The following KCNK9 variants were observed in gnomAD, a reference collection of about 807,000 sequenced individuals.
The protein encoded by KCNK9 is potassium channel subfamily K member 9.
Under a neutral mutation model 10.8 loss-of-function variants are expected in KCNK9, and 1 was observed. That is an observed-to-expected ratio of 0.09 (90% CI 0.03 to 0.44). The LOEUF is 0.44. KCNK9 is among the 20% of genes least tolerant of loss of function. The pLI is 0.97. For synonymous variants in KCNK9, 231 were observed against 222.7 expected, an observed-to-expected ratio of 1.04 and a Z score of -0.33; for missense variants, 303 against 515.0, an observed-to-expected ratio of 0.59 and a Z score of 3.98.
chr8:139,649,559 G>C (rs1177747286), intron 1 of KCNK9, among the ~76,000 whole-genome samples: 1 of 152,176 alleles, frequency 6.6e-6, no homozygotes, highest in Admixed American at 6.5e-5. Context: ...CCTGGATGCG[G>C]TCTTTCCATG....
intron 1 of KCNK9, among the ~76,000 whole-genome samples, chr8:139,686,949 A>C (rs1320600709): frequency 1.3e-5 from 2 of 152,228 alleles, no homozygotes; most frequent in East Asian, 3.8e-4. Flanking sequence ...TTGTAAAAAG[A>C]GAAAGCCTAG....
intron 1 of KCNK9, among the ~76,000 whole-genome samples, chr8:139,641,074 G>A (rs566509374): frequency 1.7e-4 from 26 of 152,348 alleles, no homozygotes; most frequent in South Asian, 8.3e-4. Flanking sequence ...AGCAAGAAGC[G>A]GTCTGGCACG....
intron 1 of KCNK9, among the ~76,000 whole-genome samples, chr8:139,676,438 T>C (rs2129749512): frequency 6.6e-6 from 1 of 152,306 alleles, no homozygotes; most frequent in Non-Finnish European, 1.5e-5. Context: ...GCTGGTACAG[T>C]GCAGGCACTC....
At chr8:139,612,267 T>C (rs1236802203), downstream of KCNK9, 2 of 152,220 alleles carry the variant, frequency 1.3e-5, no homozygotes, top group East Asian at 3.9e-4. Context: ...TGCGTCACGA[T>C]AGCAGCACTG....
At chr8:139,655,975 T>A (rs191229148) in intron 1 of KCNK9, among the ~76,000 whole-genome samples, 2 of 152,128 alleles carry the variant, frequency 1.3e-5, no homozygotes, top group Non-Finnish European at 2.9e-5. Flanking sequence ...CCTGCAGGGA[T>A]CAGGTAAAGT....
chr8:139,602,942 G>A (rs767865739), intron 2 of KCNK9, among the ~76,000 whole-genome samples: 10 of 152,142 alleles, frequency 6.6e-5, no homozygotes, highest in South Asian at 4.1e-4. Context: ...CTTTGTCACC[G>A]TGGTTTCAGT....
chr8:139,615,587 T>A (rs752034634), downstream of KCNK9, among the ~76,000 whole-genome samples: 6 of 151,982 alleles, frequency 3.9e-5, no homozygotes, highest in Admixed American at 6.6e-5. Flanking sequence ...ATACTGACCA[T>A]AAACAAGGAT....
Position 139,703,090 on chromosome 8 carries a change from C to A in KCNK9, c.-98G>T. The stretch of plus-strand genomic sequence containing the variant: ...CCGGCGGCCGCCGCCGCCTCCTCCT[C>A]CGCCGCCGCCGCCGCCGCCTCCAAG... On this transcript the variant is annotated 5_prime_UTR_variant, in exon 1 of 2. Coordinates refer to ENST00000520439, the MANE Select transcript of KCNK9 (RefSeq NM_001282534.2). The surrounding 1 kb of genome is among the most constrained non-coding windows in gnomAD (Gnocchi z 6.4). 1 of 901,678 alleles carries A rather than the reference C, an allele frequency of 1.1e-6. No individual in the cohort carries two copies. Among genetic ancestry groups the A allele is most frequent in the African/African-American group, 1.8e-5 (1 of 56,868 alleles). The allele number at this position is 901,678 out of a possible 1,614,324, so 55.9% of individuals were successfully genotyped here.
At chr8:139,673,667 G>C (rs1414097409) in intron 1 of KCNK9, among the ~76,000 whole-genome samples, 1 of 152,242 alleles carries the variant, frequency 6.6e-6, no homozygotes, top group Non-Finnish European at 1.5e-5. Context: ...CAAAATGTCA[G>C]CTCTACACAT....
At chr8:139,644,082 AG>A (rs995623316) in intron 1 of KCNK9, among the ~76,000 whole-genome samples, 5 of 152,208 alleles carry the variant, frequency 3.3e-5, no homozygotes, top group African/African-American at 1.2e-4. Flanking sequence ...TGTGCTAGGA[AG>A]GGCCAGACTC....
At chr8:139,662,520 C>T (rs919630755) in intron 1 of KCNK9, among the ~76,000 whole-genome samples, 1 of 152,252 alleles carries the variant, frequency 6.6e-6, no homozygotes, top group African/African-American at 2.4e-5. Context: ...CACCACCAGC[C>T]GCTGGCCTGA....
intron 1 of KCNK9, among the ~76,000 whole-genome samples, chr8:139,623,237 C>A (rs1814850300): frequency 6.6e-6 from 1 of 152,196 alleles, no homozygotes. Context: ...TCCCCCAGCA[C>A]CTGTGTGACA....
chr8:139,618,567 G>T lies in KCNK9; in HGVS notation c.816C>A (p.Val272=). 6.2e-7 allele frequency: 1 copy of T among 1,613,644 alleles called. No homozygotes were observed. The highest frequency in any genetic ancestry group is 1.1e-5 in the South Asian group (1 of 91,058). The change falls in exon 2 of 2, where the codon GTC becomes GTA. Residue 272 remains valine, a synonymous_variant. Coordinates refer to ENST00000520439, the MANE Select transcript of KCNK9 (RefSeq NM_001282534.2). The surrounding 1 kb of genome is among the most constrained non-coding windows in gnomAD (Gnocchi z 7.9). ...ASLAGNRNSM[V]IHIPEEPRPS... ...GCCGCGGCTCCTCAGGGATGTGAAT[G>T]ACCATGCTGTTGCGGTTTCCGGCGA...
downstream of KCNK9, among the ~76,000 whole-genome samples, chr8:139,614,591 G>T (rs1814523556): frequency 6.6e-6 from 1 of 152,334 alleles, no homozygotes; most frequent in East Asian, 1.9e-4. Flanking sequence ...CAGGTGGAAA[G>T]AACAGATCTG....
intron 2 of KCNK9, among the ~76,000 whole-genome samples, chr8:139,606,640 A>C (rs1371445161): frequency 1.3e-5 from 2 of 152,224 alleles, no homozygotes; most frequent in East Asian, 1.9e-4. Flanking sequence ...GAAGTAAAAA[A>C]TACTGTACAT....
At chr8:139,655,811 G>T (rs1816006344) in intron 1 of KCNK9, among the ~76,000 whole-genome samples, 1 of 152,180 alleles carries the variant, frequency 6.6e-6, no homozygotes, top group Non-Finnish European at 1.5e-5. Context: ...TAGATCATCA[G>T]GGAAGGTTTC....
At chr8:139,650,545 C>T in intron 1 of KCNK9, among the ~76,000 whole-genome samples, 1 of 152,146 alleles carries the variant, frequency 6.6e-6, no homozygotes, top group Non-Finnish European at 1.5e-5. Flanking sequence ...CCTGTCCCTC[C>T]CTTACCTGAG....
At chr8:139,673,106 C>T (rs1002610709) in intron 1 of KCNK9, among the ~76,000 whole-genome samples, 1 of 152,014 alleles carries the variant, frequency 6.6e-6, no homozygotes, top group Non-Finnish European at 1.5e-5. Context: ...AGCTAATTGC[C>T]CCCTTAGTTG....
chr8:139,701,078 G>C (rs1364979289), intron 1 of KCNK9, among the ~76,000 whole-genome samples: 2 of 152,258 alleles, frequency 1.3e-5, no homozygotes, highest in East Asian at 1.9e-4. Flanking sequence ...TTACTCTCCA[G>C]CTCTCCAGCA....
Sources: gnomAD v4.1 joint callset for allele counts (sites outside exome capture counted in the v4.1 genomes callset) on GRCh38, gnomAD v4.1.1 for gene constraint, Gnocchi (gnomAD v3.1) non-coding constraint, MANE v1.5 for transcripts, NCBI Gene and HGNC (gene_info 2026-07-23, HGNC 2026-07-21) for gene names.